CCDC125: variants seen among roughly 807,000 people sequenced by gnomAD.
CCDC125 encodes coiled-coil domain containing 125.
In CCDC125, 43 loss-of-function variants were observed where a neutral mutation model predicts 57.4. The ratio of observed to expected loss-of-function variants is 0.75; its 90% CI spans 0.59 to 0.97. The LOEUF is 0.97. Ranked by LOEUF, CCDC125 falls within the 50% of genes least tolerant of loss-of-function variation. CCDC125 has a pLI of 0.00. For synonymous variants in CCDC125, 187 were observed against 195.2 expected (o/e 0.96, Z 0.35); for missense variants, 563 against 595.7 (o/e 0.95, Z 0.57).
chr5:69,322,705 G>A (rs906338445), intron 1 of CCDC125, among the ~76,000 whole-genome samples: 3 of 151,844 alleles, frequency 2.0e-5, no homozygotes, highest in African/African-American at 7.3e-5. Flanking sequence ...TGGGATTACA[G>A]GCACGCGCCA....
chr5:69,304,575 G>A (rs1055811393), intron 6 of CCDC125, among the ~76,000 whole-genome samples: 2 of 151,620 alleles, frequency 1.3e-5, no homozygotes, highest in African/African-American at 2.4e-5. Flanking sequence ...ACAGGCGCCC[G>A]CCACCACGCC....
At chr5:69,311,249 A>T in intron 3 of CCDC125, 45 bp from the exon 4 acceptor site, 1 of 1,188,870 alleles carries the variant, frequency 8.4e-7, no homozygotes, top group Middle Eastern at 1.9e-4. Context: ...CAAGATATGC[A>T]ACCCTAAAAT....
At chr5:69,328,375 A>G (rs1488127021) in intron 1 of CCDC125, among the ~76,000 whole-genome samples, 1 of 152,180 alleles carries the variant, frequency 6.6e-6, no homozygotes, top group Non-Finnish European at 1.5e-5. Flanking sequence ...ATAAAATACT[A>G]TGTAATTAAA....
chr5:69,329,499 CTTTTTT>C (rs535306741), intron 1 of CCDC125, among the ~76,000 whole-genome samples: 1 of 95,320 alleles, frequency 1.0e-5, no homozygotes, highest in South Asian at 3.9e-4. Flanking sequence ...GGATTCAAGT[CTTTTTT>C]TTTTTTTTTT....
chr5:69,329,327 C>T (rs1365394380), intron 1 of CCDC125, among the ~76,000 whole-genome samples: 2 of 151,932 alleles, frequency 1.3e-5, no homozygotes, highest in Non-Finnish European at 2.9e-5. Context: ...CCACACCTGG[C>T]TAATTTTTTT....
intron 2 of CCDC125, among the ~76,000 whole-genome samples, chr5:69,317,973 ATTTTTTT>A (rs34680998): frequency 1.2e-5 from 1 of 82,352 alleles, no homozygotes; most frequent in Non-Finnish European, 2.3e-5. Context: ...TGTCTCTAGA[ATTTTTTT>A]TTTTTTTTTT....
At chr5:69,325,776 A>G (rs2150657762) in intron 1 of CCDC125, among the ~76,000 whole-genome samples, 1 of 145,264 alleles carries the variant, frequency 6.9e-6, no homozygotes, top group Admixed American at 7.3e-5. Context: ...GTGAGCCAAG[A>G]TCGTGTCACT....
In CCDC125 at chr5:69,329,446, C is replaced by A. The variant is rs188500591; in HGVS notation, c.-41+3203G>T. On this transcript the variant is annotated intron_variant, in intron 1 of 11. Coordinates refer to ENST00000396496, the MANE Select transcript of CCDC125 (RefSeq NM_176816.5). ...CAAGCAATCCTTCTGCCTCGGCCTC[C>A]CAAAGTGCTGAGATTACAGGTGTGA... Among the ~76,000 whole-genome samples the A allele has an allele frequency of 2.2e-3, 336 of 151,958 alleles. 1 individual carries two copies. Among genetic ancestry groups the A allele is most frequent in the Admixed American group, 4.1e-3 (63 of 15,262 alleles).
intron 2 of CCDC125, among the ~76,000 whole-genome samples, chr5:69,317,123 C>T (rs1004636366): frequency 1.2e-4 from 18 of 152,128 alleles, no homozygotes; most frequent in African/African-American, 4.3e-4. Context: ...ATTCTCCTGC[C>T]TCAGCCTCCC....
chr5:69,306,842 C>T lies in CCDC125; in HGVS notation c.592G>A (p.Glu198Lys). 2 of 1,506,400 alleles carry T rather than the reference C, an allele frequency of 1.3e-6. No individual in the cohort carries two copies. Among genetic ancestry groups the T allele is most frequent in the Non-Finnish European group, 1.8e-6 (2 of 1,131,156 alleles). The allele number at this position is 1,506,400 out of a possible 1,614,324, so 93.3% of individuals were successfully genotyped here. ...FDHNRFKNIE[E>K]SWIQKYDRLN... ...CTGTCATATTTTTGGATCCAAGATT[C>T]CTCTATATTTTTAAATCTATTATGA... is the stretch of plus-strand genomic sequence containing the variant. The change falls in exon 6 of 12, where the codon GAA becomes AAA. Residue 198 changes from glutamate (E) to lysine (K), a missense_variant. Physicochemically the swap from Glu to Lys is moderately conservative, Grantham distance 56. Coordinates refer to ENST00000396496, the MANE Select transcript of CCDC125 (RefSeq NM_176816.5).
rs1426396282 is a variant in CCDC125, at chr5:69,281,621, G to A, written c.*1108C>T. ...GTCCCACCATCAAAACTGTCTTATT[G>A]AAGTTAACTTAAGGAAATTGTTATT... On this transcript the variant is annotated 3_prime_UTR_variant, in exon 12 of 12. Transcript: ENST00000396496. 1 of 152,092 alleles carries A rather than the reference G, an allele frequency of 6.6e-6. No homozygotes were observed. Among genetic ancestry groups the A allele is most frequent in the African/African-American group, 2.4e-5 (1 of 41,398 alleles). 9.4% of individuals were successfully genotyped at this position (152,092 alleles called of 1,614,324 possible).
intron 10 of CCDC125, among the ~76,000 whole-genome samples, chr5:69,286,994 TAAAA>T (rs33957725): frequency 8.0e-5 from 9 of 112,768 alleles, no homozygotes; most frequent in Non-Finnish European, 1.1e-4. Context: ...GAGTTTAAGA[TAAAA>T]AAAAAAAAAA....
rs922935220 is a variant in CCDC125, at chr5:69,285,205, A to T, written c.1230+132T>A. ...ATATATATATCAAAAAGATCTCATA[A>T]TGTTTTAAGAAAGTTTACGAATTTG... On this transcript the variant is annotated intron_variant, in intron 11 of 11. Coordinates refer to ENST00000396496, the MANE Select transcript of CCDC125 (RefSeq NM_176816.5). The T allele has an allele frequency of 1.8e-5, 12 of 677,226 alleles. No individual in the cohort carries two copies. In the African/African-American group the frequency reaches 1.9e-4, roughly 11 times the overall value. 42.0% of individuals were successfully genotyped at this position (677,226 alleles called of 1,614,324 possible). A position where few individuals can be genotyped will look rare whatever the true frequency, so the allele number is the denominator to read the frequency against.
chr5:69,273,052 G>C, the CCDC125 span: 1 of 1,490,146 alleles, frequency 6.7e-7, no homozygotes, highest in Non-Finnish European at 9.0e-7. Context: ...GTATTTTGGT[G>C]TATCTTTTTT....
Position 69,303,853 on chromosome 5 carries a change from T to C in CCDC125, c.694A>G (p.Asn232Asp). 1 of 1,576,268 alleles carries C rather than the reference T, an allele frequency of 6.3e-7. No homozygotes were observed. Among genetic ancestry groups the C allele is most frequent in the South Asian group, 1.1e-5 (1 of 87,706 alleles). The change falls in exon 7 of 12, where the codon AAT (asparagine) becomes GAT (aspartate). Residue 232 changes from asparagine to aspartate, a missense_variant. By Grantham distance (23) the Asn-to-Asp change is conservative (BLOSUM62 1). Coordinates refer to ENST00000396496, the MANE Select transcript of CCDC125 (RefSeq NM_176816.5). ...ATACAAAAATCATCATTACCTGCAT[T>C]GTCAGACTTCAGCATTTTAATTTCT... ...TEEIKMLKSD[N>D]AVLNQRYLEA...
chr5:69,274,241 G>A, the CCDC125 span, among the ~76,000 whole-genome samples: 1 of 152,294 alleles, frequency 6.6e-6, no homozygotes, highest in African/African-American at 2.4e-5. Context: ...TTTCATGGAT[G>A]TCTTTATTAA....
intron 1 of CCDC125, among the ~76,000 whole-genome samples, chr5:69,323,521 A>AT (rs1040072859): frequency 1.3e-4 from 19 of 151,214 alleles, no homozygotes; most frequent in Admixed American, 8.6e-4. Context: ...AACACTGTGG[A>AT]TTTTTTTTTC....
At position 69,292,204 on chromosome 5, in the gene CCDC125, C is replaced by G; in HGVS notation, c.1083G>C (p.Lys361Asn). 4 of 1,612,824 alleles carry G rather than the reference C, an allele frequency of 2.5e-6. No individual in the cohort carries two copies. The highest frequency in any genetic ancestry group is 3.4e-6 in the Non-Finnish European group (4 of 1,179,628). Residue 361 changes from lysine (K) to asparagine (N), a missense_variant, in exon 10 of 12, where the codon AAG (lysine) becomes AAC (asparagine). Lys to Asn is a moderately conservative substitution (Grantham distance 94). Transcript: ENST00000396496. ...HKKATKWMNW[K>N]HLKEDGFPSP... is the part of the protein sequence containing the mutation. ...CATAGTTACCATCCTCTTTAAGGTGCTTCCAATTCATCCATTTTGTTGCTT... is the reference window on the plus strand; with the variant it reads ...CATAGTTACCATCCTCTTTAAGGTGGTTCCAATTCATCCATTTTGTTGCTT...
rs1311772527 is a variant in CCDC125, at chr5:69,282,673, T to C, written c.*56A>G. The C allele has an allele frequency of 7.1e-7, 1 of 1,414,302 alleles. No homozygotes were observed. Among genetic ancestry groups the C allele is most frequent in the Non-Finnish European group, 9.5e-7 (1 of 1,053,416 alleles). 87.6% of individuals were successfully genotyped at this position (1,414,302 alleles called of 1,614,324 possible). A position where few individuals can be genotyped will look rare whatever the true frequency, so the allele number is the denominator to read the frequency against. Reference sequence around the variant, plus strand: ...GATGCAGCAAAATTTACAAAATCATTTTTCAAAGTATCTCGATATAAACAA... The same window carrying C: ...GATGCAGCAAAATTTACAAAATCATCTTTCAAAGTATCTCGATATAAACAA... On this transcript the variant is annotated 3_prime_UTR_variant, in exon 12 of 12. Transcript: ENST00000396496.
Sources: allele counts gnomAD v4.1 joint callset (sites outside exome capture counted in the v4.1 genomes callset), GRCh38; gene constraint gnomAD v4.1.1; transcripts MANE v1.5; gene names NCBI Gene and HGNC (gene_info 2026-07-23, HGNC 2026-07-21).